Variants in JMY observed in about 807,000 individuals in gnomAD.
JMY encodes junction-mediating and -regulatory protein.
A neutral mutation model predicts 103.3 loss-of-function variants in JMY; 46 were observed. The observed-to-expected ratio is 0.45, with a 90% CI of 0.35 to 0.57. The LOEUF is 0.57. Ranked by LOEUF, JMY falls within the 20% of genes least tolerant of loss-of-function variation. The probability of loss-of-function intolerance (pLI) is 0.00; values close to 1 mark genes in which losing one functional copy is unlikely to be tolerated. For missense variants in JMY, 1,238 were observed against 1,255.2 expected (o/e 0.99, Z 0.21); for synonymous variants, 526 against 489.3 (o/e 1.07, Z -0.99).
At chr5:79,258,158 A>G (rs1745304026) in intron 1 of JMY, among the ~76,000 whole-genome samples, 1 of 152,130 alleles carries the variant, frequency 6.6e-6, no homozygotes, top group Admixed American at 6.6e-5. Context: ...AGTCAAATTT[A>G]CTGAAATTTA....
intron 1 of JMY, among the ~76,000 whole-genome samples, chr5:79,276,373 G>A (rs1417736898): frequency 6.6e-6 from 1 of 152,040 alleles, no homozygotes; most frequent in Non-Finnish European, 1.5e-5. Flanking sequence ...GCCTGCCTCG[G>A]CCTCCCAAAG....
At chr5:79,318,088 A>G (rs1009114941) in intron 10 of JMY, among the ~76,000 whole-genome samples, 3 of 151,240 alleles carry the variant, frequency 2.0e-5, no homozygotes, top group African/African-American at 7.3e-5. Context: ...TGCAAGCTCC[A>G]CCTCGTGGGT....
In JMY at chr5:79,326,977, C is replaced by T. The variant is rs1383266875; in HGVS notation, c.*5375C>T. ...AGCATTTATAGCAATACCATGAAATCTCCAGTAATCGTTTTGACTGTTGCC... is the reference window on the plus strand; with the variant it reads ...AGCATTTATAGCAATACCATGAAATTTCCAGTAATCGTTTTGACTGTTGCC... On this transcript the variant is annotated 3_prime_UTR_variant, in exon 11 of 11. Coordinates refer to ENST00000396137, the MANE Select transcript of JMY (RefSeq NM_152405.5). 1.3e-5 allele frequency: 2 copies of T among 152,198 alleles called. No individual in the cohort carries two copies. Among genetic ancestry groups the T allele is most frequent in the Non-Finnish European group, 2.9e-5 (2 of 68,032 alleles). The allele number at this position is 152,198 out of a possible 1,614,324, so 9.4% of individuals were successfully genotyped here.
intron 6 of JMY, among the ~76,000 whole-genome samples, chr5:79,302,849 G>C (rs1321829371): frequency 6.6e-6 from 1 of 152,232 alleles, no homozygotes; most frequent in South Asian, 2.1e-4. Flanking sequence ...AAGGTTGAGA[G>C]GTTAAGACTA....
In JMY at chr5:79,324,624, G is replaced by A. The variant is rs572049140; in HGVS notation, c.*3022G>A. The A allele has an allele frequency of 1.3e-5, 2 of 152,164 alleles. No homozygotes were observed. Among genetic ancestry groups the A allele is most frequent in the Non-Finnish European group, 2.9e-5 (2 of 68,024 alleles). 9.4% of individuals were successfully genotyped at this position (152,164 alleles called of 1,614,324 possible). ...GTATTTTTAATTATTTAAAATCATT[G>A]TGTATATTACAGCAGTATGAGGAAT... On this transcript the variant is annotated 3_prime_UTR_variant, in exon 11 of 11. Transcript: ENST00000396137.
intron 10 of JMY, among the ~76,000 whole-genome samples, 179 bp from the exon 11 acceptor site, chr5:79,321,427 T>C (rs530119201): frequency 6.6e-6 from 1 of 152,360 alleles, no homozygotes; most frequent in East Asian, 1.9e-4. Context: ...TCTAATAGTC[T>C]TTTAAAAGTG....
At position 79,264,077 on chromosome 5, in the gene JMY, G is replaced by C. The variant is rs144416900; in HGVS notation, c.1033-13833G>C. Reference sequence around the variant, plus strand: ...GCTGGGATTACAGGCGCGAGTCACTGTGCTTGGCCTTTTTGTTTTTTTTTA... The same window carrying C: ...GCTGGGATTACAGGCGCGAGTCACTCTGCTTGGCCTTTTTGTTTTTTTTTA... On this transcript the variant is annotated intron_variant, in intron 1 of 10. Coordinates refer to ENST00000396137, the MANE Select transcript of JMY (RefSeq NM_152405.5). Among the ~76,000 whole-genome samples the C allele has an allele frequency of 3.8e-4, 58 of 151,918 alleles. No individual in the cohort carries two copies. The East Asian group carries it at 7.4e-3, about 19-fold the overall frequency.
intron 6 of JMY, among the ~76,000 whole-genome samples, chr5:79,301,643 T>C (rs2112108336): frequency 6.6e-6 from 1 of 152,308 alleles, no homozygotes; most frequent in South Asian, 2.1e-4. Flanking sequence ...ACGTTGTCCA[T>C]CAACAGAACA....
At chr5:79,291,361 G>A in intron 4 of JMY, 62 bp downstream of exon 4, 2 of 1,409,706 alleles carry the variant, frequency 1.4e-6, no homozygotes, top group East Asian at 2.4e-5. Context: ...TTTAATCTTT[G>A]CACAAGACAT....
intron 2 of JMY, among the ~76,000 whole-genome samples, chr5:79,285,697 T>C (rs1044671337): frequency 2.6e-5 from 4 of 152,150 alleles, no homozygotes; most frequent in African/African-American, 9.7e-5. Flanking sequence ...TCAAGAGTCA[T>C]CTTCAGGCAA....
chr5:79,253,831 C>T (rs997871734), intron 1 of JMY, among the ~76,000 whole-genome samples: 7 of 152,004 alleles, frequency 4.6e-5, no homozygotes, highest in Non-Finnish European at 7.4e-5. Flanking sequence ...GTGTATGCCA[C>T]CACTCTTTAT....
At chr5:79,308,130 T>C (rs1204930544) in intron 7 of JMY, among the ~76,000 whole-genome samples, 2 of 152,208 alleles carry the variant, frequency 1.3e-5, no homozygotes, top group Admixed American at 6.5e-5. Context: ...TTATCAGATA[T>C]GTCCCTTTGT....
chr5:79,267,822 T>TA (rs1229351762), intron 1 of JMY, among the ~76,000 whole-genome samples: 5 of 152,258 alleles, frequency 3.3e-5, no homozygotes, highest in Non-Finnish European at 5.9e-5. Context: ...TTTTGGTAGT[T>TA]AAAATTAAGC....
At chr5:79,256,992 A>G (rs1745264352) in intron 1 of JMY, among the ~76,000 whole-genome samples, 1 of 148,974 alleles carries the variant, frequency 6.7e-6, no homozygotes, top group Non-Finnish European at 1.5e-5. Flanking sequence ...TTGCTCCATT[A>G]TGTACACCAT....
chr5:79,270,869 A>C (rs1210231480), intron 1 of JMY, among the ~76,000 whole-genome samples: 1 of 151,784 alleles, frequency 6.6e-6, no homozygotes, highest in African/African-American at 2.4e-5. Context: ...CATTTTCTGC[A>C]TCTGTTGATA....
chr5:79,237,005 A>C lies in JMY; in HGVS notation c.355A>C (p.Thr119Pro). 1 of 1,479,866 alleles carries C rather than the reference A, an allele frequency of 6.8e-7. No individual in the cohort carries two copies. Among genetic ancestry groups the C allele is most frequent in the Non-Finnish European group, 9.0e-7 (1 of 1,116,076 alleles). The allele number at this position is 1,479,866 out of a possible 1,614,324, so 91.7% of individuals were successfully genotyped here. The change falls in exon 1 of 11, where the codon ACT becomes CCT. Residue 119 changes from threonine (T) to proline (P), a missense_variant. By Grantham distance (38) the Thr-to-Pro change is conservative. Coordinates refer to ENST00000396137, the MANE Select transcript of JMY (RefSeq NM_152405.5). ...GGCGGAGGGCGGCTCTCCTCGGAGC[A>C]CTCGCAGCCTTCTGGGGGACCCGCG... ...AWAEGGSPRSTRSLLGDPRLR... is the reference protein window; with the variant it reads ...AWAEGGSPRSPRSLLGDPRLR...
chr5:79,270,965 G>T (rs1745766369), intron 1 of JMY, among the ~76,000 whole-genome samples: 1 of 151,712 alleles, frequency 6.6e-6, no homozygotes, highest in Non-Finnish European at 1.5e-5. Flanking sequence ...TTGTATACTT[G>T]GAATAAATCA....
At chr5:79,241,248 A>C (rs1479232879) in intron 1 of JMY, among the ~76,000 whole-genome samples, 1 of 152,168 alleles carries the variant, frequency 6.6e-6, no homozygotes. Context: ...AATACCTTGG[A>C]ACTCTCTTCT....
intron 10 of JMY, among the ~76,000 whole-genome samples, chr5:79,316,700 G>A (rs1747232515): frequency 2.0e-5 from 3 of 152,056 alleles, no homozygotes. Context: ...GAGGTCAGGA[G>A]TTCAAGACTA....
Sources: allele counts gnomAD v4.1 joint callset (sites outside exome capture counted in the v4.1 genomes callset), GRCh38; gene constraint gnomAD v4.1.1; transcripts MANE v1.5; gene names NCBI Gene and HGNC (gene_info 2026-07-23, HGNC 2026-07-21).